PTPN4: variants seen among roughly 807,000 people sequenced by gnomAD.
The protein encoded by PTPN4 is tyrosine-protein phosphatase non-receptor type 4.
Under a neutral mutation model 135.5 loss-of-function variants are expected in PTPN4, and 49 were observed. That is an observed-to-expected ratio of 0.36 (90% confidence interval 0.29 to 0.46). The LOEUF is 0.46. Among genes scored for constraint, PTPN4 ranks in the 20% least tolerant of loss-of-function variants. The pLI is 1.00. For synonymous variants in PTPN4, 333 were observed against 369.9 expected, an observed-to-expected ratio of 0.90 and a Z score of 1.14; for missense variants, 860 against 1,101.0, an observed-to-expected ratio of 0.78 and a Z score of 3.10.
At chr2:119,819,243 A>G (rs541682339) in intron 2 of PTPN4, among the ~76,000 whole-genome samples, 1 of 152,300 alleles carries the variant, frequency 6.6e-6, no homozygotes, top group Admixed American at 6.5e-5. Context: ...TTTCTCCCAA[A>G]GATCATAGCC....
In PTPN4 at chr2:119,948,506, A is replaced by G. The variant is rs549539777; in HGVS notation, c.1656+1932A>G. Among the ~76,000 whole-genome samples the G allele has an allele frequency of 2.0e-5, 3 of 152,310 alleles. No individual in the cohort carries two copies. The East Asian group carries it at 5.8e-4, about 29-fold the overall frequency. ...AGTTTCACATTTAGGAATTTCTCCT[A>G]ATGAAATAGTTTGACTAGGGAACAA... On this transcript the variant is annotated intron_variant, in intron 18 of 26. Transcript: ENST00000263708.
At position 119,793,846 on chromosome 2, in the gene PTPN4, G is replaced by GTTTTTTT. The variant is rs55956611; in HGVS notation, c.-17-15968_-17-15962dup. On this transcript the variant is annotated intron_variant, in intron 1 of 26. Transcript: ENST00000263708. ...AGTTTGTTTATTTGTTTCATTTTTA[G>GTTTTTTT]TTTTTTTTTTTTTTTTTTTTTTTTT... 6.9e-4 allele frequency among the ~76,000 whole-genome samples: 17 copies of GTTTTTTT among 24,800 alleles called. 2 individuals carry two copies. The highest frequency in any genetic ancestry group is 2.2e-3 in the African/African-American group (12 of 5,410). The allele number at this position is 24,800 out of a possible 152,430, so 16.3% of individuals were successfully genotyped here. A position where few individuals can be genotyped will look rare whatever the true frequency, so the allele number is the denominator to read the frequency against.
At chr2:119,907,340 C>G (rs1390677985) in intron 10 of PTPN4, among the ~76,000 whole-genome samples, 1 of 152,148 alleles carries the variant, frequency 6.6e-6, no homozygotes, top group Non-Finnish European at 1.5e-5. Context: ...TGGCTCACAC[C>G]TGTAATCCTA....
At chr2:119,837,145 G>T (rs1159932066) in intron 2 of PTPN4, among the ~76,000 whole-genome samples, 1 of 152,122 alleles carries the variant, frequency 6.6e-6, no homozygotes, top group East Asian at 1.9e-4. Context: ...CTGGGCCCAC[G>T]CATGGCCACC....
chr2:119,957,722 A>G (rs1679309194), intron 22 of PTPN4, among the ~76,000 whole-genome samples: 1 of 152,188 alleles, frequency 6.6e-6, no homozygotes, highest in African/African-American at 2.4e-5. Flanking sequence ...ACCTTCATGT[A>G]CACATCACTC....
chr2:119,871,013 C>T (rs954652556), intron 3 of PTPN4, among the ~76,000 whole-genome samples: 1 of 151,214 alleles, frequency 6.6e-6, no homozygotes, highest in Admixed American at 6.6e-5. Flanking sequence ...TCTAGAAGAG[C>T]TTCTACAAAT....
At chr2:119,936,792 C>T (rs1280287860) in intron 15 of PTPN4, among the ~76,000 whole-genome samples, 2 of 152,040 alleles carry the variant, frequency 1.3e-5, no homozygotes, top group Non-Finnish European at 2.9e-5. Context: ...GTTTTTGCTT[C>T]TTCTCTCTTG....
intron 2 of PTPN4, among the ~76,000 whole-genome samples, chr2:119,855,682 G>A (rs1370066642): frequency 6.6e-6 from 1 of 152,198 alleles, no homozygotes; most frequent in Non-Finnish European, 1.5e-5. Flanking sequence ...TGTGGCAAGG[G>A]CTGTCAGTCC....
In PTPN4 at chr2:119,983,961, G is replaced by A. The variant is rs952991333; in HGVS notation, c.*6891G>A. On this transcript the variant is annotated 3_prime_UTR_variant, in exon 27 of 27. Transcript: ENST00000263708. The stretch of plus-strand genomic sequence containing the variant: ...GGTGAAGTAGATGCTGCACAAGTAA[G>A]TTTAAGGGAATAAAAGTCCCGACAC... 1 of 152,148 alleles carries A rather than the reference G, an allele frequency of 6.6e-6. No homozygotes were observed. Among genetic ancestry groups the A allele is most frequent in the African/African-American group, 2.4e-5 (1 of 41,432 alleles). 9.4% of individuals were successfully genotyped at this position (152,148 alleles called of 1,614,324 possible).
chr2:119,911,559 G>A (rs1409250880), intron 10 of PTPN4, among the ~76,000 whole-genome samples: 3 of 152,068 alleles, frequency 2.0e-5, no homozygotes, highest in Admixed American at 2.0e-4. Flanking sequence ...AATGGTGAAA[G>A]TCTCAATGCT....
At chr2:119,842,827 A>C (rs567738954) in intron 2 of PTPN4, among the ~76,000 whole-genome samples, 2 of 152,108 alleles carry the variant, frequency 1.3e-5, no homozygotes, top group Non-Finnish European at 2.9e-5. Context: ...CAGATCTTTT[A>C]TAGCTATCAC....
rs189130527 is a variant in PTPN4, at chr2:119,765,937, C to T, written c.-18+5553C>T. 6.5e-3 allele frequency among the ~76,000 whole-genome samples: 634 copies of T among 97,826 alleles called. 2 individuals are homozygous for T. Among genetic ancestry groups the T allele is most frequent in the African/African-American group, 0.017 (519 of 30,934 alleles). The allele number at this position is 97,826 out of a possible 152,430, so 64.2% of individuals were successfully genotyped here. A position where few individuals can be genotyped will look rare whatever the true frequency, so the allele number is the denominator to read the frequency against. On this transcript the variant is annotated intron_variant, in intron 1 of 26. Coordinates refer to ENST00000263708, the MANE Select transcript of PTPN4 (RefSeq NM_002830.4). ...ATCTGTGTGTGTGTGTGTGTGTGCGCGCGCGCATGTGCGTTGATTGCAGTG... is the reference window on the plus strand; with the variant it reads ...ATCTGTGTGTGTGTGTGTGTGTGCGTGCGCGCATGTGCGTTGATTGCAGTG...
chr2:119,809,365 G>GTTT (rs1194354923), intron 1 of PTPN4, among the ~76,000 whole-genome samples: 1 of 140,562 alleles, frequency 7.1e-6, no homozygotes. Flanking sequence ...ATGAAGGGTT[G>GTTT]TTTTTTTTTT....
intron 9 of PTPN4, among the ~76,000 whole-genome samples, chr2:119,895,071 A>G (rs1046525396): frequency 3.3e-5 from 5 of 152,208 alleles, no homozygotes; most frequent in Non-Finnish European, 7.4e-5. Context: ...ATAGAGGAAA[A>G]TATACACCAA....
intron 1 of PTPN4, among the ~76,000 whole-genome samples, chr2:119,799,081 A>C (rs1431734113): frequency 6.6e-6 from 1 of 152,216 alleles, no homozygotes; most frequent in East Asian, 1.9e-4. Context: ...CATCTTTCAT[A>C]GTTGTTATGG....
Position 119,788,720 on chromosome 2 carries a change from C to T in PTPN4, c.-17-21117C>T, listed in dbSNP as rs1691087704. On this transcript the variant is annotated intron_variant, in intron 1 of 26. Coordinates refer to ENST00000263708, the MANE Select transcript of PTPN4 (RefSeq NM_002830.4). ...TGGCGTATTTGACTTAGCATAATGT[C>T]TCAAGGTTCATCTGCATTGTAGCAT... is the stretch of plus-strand genomic sequence containing the variant. Among the ~76,000 whole-genome samples the T allele has an allele frequency of 3.3e-5, 5 of 152,264 alleles. 2 individuals are homozygous for T. The South Asian group carries it at 1.0e-3, about 32-fold the overall frequency.
chr2:119,799,424 A>C (rs919835628), intron 1 of PTPN4, among the ~76,000 whole-genome samples: 1 of 152,216 alleles, frequency 6.6e-6, no homozygotes, highest in Admixed American at 6.5e-5. Context: ...GTTAAGAATC[A>C]ATAGAAATAA....
At position 119,915,190 on chromosome 2, in the gene PTPN4, TA is replaced by T; in HGVS notation, c.781del (p.Ile261PhefsTer29). 1.3e-6 allele frequency: 2 copies of T among 1,544,124 alleles called. No individual in the cohort carries two copies. The highest frequency in any genetic ancestry group is 1.7e-6 in the Non-Finnish European group (2 of 1,146,306). The stretch of plus-strand genomic sequence containing the variant: ...TGTCTTTTGTCCAGGTTGAAGATTG[TA>T]AAAATTTCTTTTAAGTGCAAACAGT... Reference protein sequence around the residue: ...RMNTFPWLKIVKISFKCKQFF... With the variant: ...RMNTFPWLKIXKISFKCKQFF... On this transcript the variant is annotated frameshift_variant, in exon 11 of 27. Transcript: ENST00000263708. LOFTEE classifies it high-confidence loss of function.
chr2:119,878,043 T>C (rs1302406954), intron 5 of PTPN4, among the ~76,000 whole-genome samples: 1 of 152,190 alleles, frequency 6.6e-6, no homozygotes, highest in African/African-American at 2.4e-5. Flanking sequence ...AAAAATATAA[T>C]GGAGTTTATA....
Sources: allele counts gnomAD v4.1 joint callset (sites outside exome capture counted in the v4.1 genomes callset), GRCh38; gene constraint gnomAD v4.1.1; transcripts MANE v1.5; gene names NCBI Gene and HGNC (gene_info 2026-07-23, HGNC 2026-07-21).